The following PCDHGA3 variants were observed in gnomAD, a reference collection of about 807,000 sequenced individuals.
PCDHGA3 encodes the protein protocadherin gamma subfamily A, 3.
In PCDHGA3, 40 loss-of-function variants were observed where a neutral mutation model predicts 58.5. That is an observed-to-expected ratio of 0.68 (90% CI 0.53 to 0.89). The LOEUF (loss-of-function observed/expected upper bound fraction) is 0.89. Among genes scored for constraint, PCDHGA3 ranks in the 40% least tolerant of loss-of-function variants. PCDHGA3 has a pLI of 0.00. For synonymous variants in PCDHGA3, 530 were observed against 525.7 expected, an observed-to-expected ratio of 1.01 and a Z score of -0.11; for missense variants, 1,223 against 1,195.9, an observed-to-expected ratio of 1.02 and a Z score of -0.33.
rs370792537 is a variant in PCDHGA3 at position 141,370,669 on chromosome 5, G to A, written c.2424+24212G>A. ...TTACTTGTGAGCGACCGTATAGACC[G>A]AGAGGAGATTTGTGGCAAGAAGTCG... is the stretch of plus-strand genomic sequence containing the variant. On this transcript the variant is annotated intron_variant, in intron 1 of 3. Coordinates refer to ENST00000253812, the MANE Select transcript of PCDHGA3 (RefSeq NM_018916.4). The A allele has an allele frequency of 5.6e-6, 9 of 1,613,788 alleles. No homozygotes were observed. In the East Asian group the frequency reaches 1.1e-4, roughly 20 times the overall value.
intron 1 of PCDHGA3, chr5:141,375,358 G>A (rs1436482456): frequency 1.2e-6 from 2 of 1,613,810 alleles, no homozygotes; most frequent in Non-Finnish European, 8.5e-7. Context: ...TGACAGCCAC[G>A]GACAAAGGAA....
At chr5:141,371,506 C>G in intron 1 of PCDHGA3, 1 of 1,613,856 alleles carries the variant, frequency 6.2e-7, no homozygotes, top group Non-Finnish European at 8.5e-7. Flanking sequence ...CTGATCAAAA[C>G]ACATGATCTA....
chr5:141,494,712 C>T, intron 1 of PCDHGA3, 95 bp from the exon 2 acceptor site: 1 of 1,603,048 alleles, frequency 6.2e-7, no homozygotes, highest in Non-Finnish European at 8.5e-7. Context: ...TCTGTGCCCA[C>T]TCCCCTCCTT....
At chr5:141,437,104 T>C (rs539232057) in intron 1 of PCDHGA3, among the ~76,000 whole-genome samples, 1 of 152,338 alleles carries the variant, frequency 6.6e-6, no homozygotes, top group African/African-American at 2.4e-5. Flanking sequence ...GGCTTAGCTT[T>C]AGGATTTTTA....
intron 1 of PCDHGA3, chr5:141,352,437 G>C (rs754792200): frequency 6.2e-7 from 1 of 1,614,034 alleles, no homozygotes; most frequent in Non-Finnish European, 8.5e-7. Context: ...TTTCAAACCG[G>C]TCTCTGCTCC....
At chr5:141,383,279 A>G in intron 1 of PCDHGA3, 7 of 1,613,948 alleles carry the variant, frequency 4.3e-6, no homozygotes, top group Non-Finnish European at 5.9e-6. Context: ...ATAGATATTA[A>G]TGACAACGTT....
Position 141,485,581 on chromosome 5 carries a change from G to C in PCDHGA3, c.2425-9226G>C. The C allele has an allele frequency of 6.2e-7, 1 of 1,612,458 alleles. No individual in the cohort carries two copies. The highest frequency in any genetic ancestry group is 8.5e-7 in the Non-Finnish European group (1 of 1,178,652). ...ATCACGCCCCCCGTTTTCCGCGGCA[G>C]CAGCTGGACTTGGAAATTGGGGAGG... On this transcript the variant is annotated intron_variant, in intron 1 of 3. Coordinates refer to ENST00000253812, the MANE Select transcript of PCDHGA3 (RefSeq NM_018916.4). This position sits in a 1 kb window ranked among gnomAD's most constrained non-coding sequence, Gnocchi z 5.7.
chr5:141,361,797 C>T, intron 1 of PCDHGA3: 3 of 1,613,222 alleles, frequency 1.9e-6, no homozygotes, highest in Non-Finnish European at 2.5e-6. Flanking sequence ...TAGTGGGCGA[C>T]CTCAATGACA....
chr5:141,414,193 A>C, intron 1 of PCDHGA3: 1 of 1,610,884 alleles, frequency 6.2e-7, no homozygotes, highest in Admixed American at 1.7e-5. Context: ...AGTGTTGATT[A>C]CAGTAGAAGA....
intron 1 of PCDHGA3, among the ~76,000 whole-genome samples, chr5:141,473,773 T>C (rs1473510505): frequency 6.6e-6 from 1 of 152,254 alleles, no homozygotes; most frequent in Non-Finnish European, 1.5e-5. Context: ...GGATTTGGTA[T>C]TTTAATTCAA....
intron 1 of PCDHGA3, chr5:141,356,501 C>T: frequency 6.2e-7 from 1 of 1,614,014 alleles, no homozygotes; most frequent in Non-Finnish European, 8.5e-7. Context: ...CCACTGTCTA[C>T]AGAAACTCAT....
rs2154581798 is a variant in PCDHGA3, at chr5:141,489,799, G to T, written c.2425-5008G>T. 1 of 1,614,192 alleles carries T rather than the reference G, an allele frequency of 6.2e-7. No homozygotes were observed. The highest frequency in any genetic ancestry group is 2.2e-5 in the East Asian group (1 of 44,884). On this transcript the variant is annotated intron_variant, in intron 1 of 3. Coordinates refer to ENST00000253812, the MANE Select transcript of PCDHGA3 (RefSeq NM_018916.4). The surrounding 1 kb of genome is among the most constrained non-coding windows in gnomAD (Gnocchi z 4.5). Reference sequence around the variant, plus strand: ...CTCTCTGAATGTGAAGACCCTAAAAGATGGGAAGCCATTCCCAGAGCTGGT... The same window carrying T: ...CTCTCTGAATGTGAAGACCCTAAAATATGGGAAGCCATTCCCAGAGCTGGT...
At chr5:141,393,747 T>C (rs1375394315) in intron 1 of PCDHGA3, 1 of 1,613,866 alleles carries the variant, frequency 6.2e-7, no homozygotes, top group Admixed American at 1.7e-5. Flanking sequence ...TTATGAAGAA[T>C]GTTCATTTTA....
rs2099745664 is a variant in PCDHGA3 at position 141,493,015 on chromosome 5, T to A, written c.2425-1792T>A. Among the ~76,000 whole-genome samples, 1 of 152,238 alleles carries A rather than the reference T, an allele frequency of 6.6e-6. No homozygotes were observed. The highest frequency in any genetic ancestry group is 1.5e-5 in the Non-Finnish European group (1 of 68,040). ...ATGGAAAGCTATAGGCTCTGCCAGA[T>A]GCCAGGGTGCCCTTATGTGTGAGGA... On this transcript the variant is annotated intron_variant, in intron 1 of 3. Transcript: ENST00000253812. The surrounding 1 kb of genome is among the most constrained non-coding windows in gnomAD (Gnocchi z 4.3).
Position 141,434,784 on chromosome 5 carries a change from AT to A in PCDHGA3, c.2425-60014del, listed in dbSNP as rs201914459. On this transcript the variant is annotated intron_variant, in intron 1 of 3. Transcript: ENST00000253812. The stretch of plus-strand genomic sequence containing the variant: ...ACTTCACACTTCTAAAAAAAAAAAA[AT>A]TTTTTTTTCTGAGCTTGGAGAAATA... Among the ~76,000 whole-genome samples the A allele has an allele frequency of 3.3e-4, 49 of 150,342 alleles. 1 individual carries two copies. Among genetic ancestry groups the A allele is most frequent in the Middle Eastern group, 3.4e-3 (1 of 290 alleles).
rs1212248484 is a variant in PCDHGA3 at position 141,393,163 on chromosome 5, T to C, written c.2424+46706T>C. ...CTGGTTGAGGATAAAGGAAAACTCT[T>C]TGGGGTAGAAATAGAAATAATTGAT... On this transcript the variant is annotated intron_variant, in intron 1 of 3. Transcript: ENST00000253812. 1.9e-6 allele frequency: 3 copies of C among 1,613,134 alleles called. No homozygotes were observed. In the Admixed American group the frequency reaches 5.0e-5, roughly 27 times the overall value.
intron 1 of PCDHGA3, chr5:141,414,488 C>T (rs755499269): frequency 2.5e-6 from 4 of 1,613,914 alleles, no homozygotes; most frequent in African/African-American, 2.7e-5. Flanking sequence ...CCTCTATCAA[C>T]GGAAGCTCAC....
intron 1 of PCDHGA3, chr5:141,441,867 GCCTGGCTA>G (rs2098280856): frequency 1.2e-5 from 4 of 345,682 alleles, no homozygotes; most frequent in Non-Finnish European, 2.3e-5. Flanking sequence ...ACGCCGCGGA[GCCTGGCTA>G]CCTGGTCACC....
At chr5:141,475,571 G>A (rs1426547386) in intron 1 of PCDHGA3, among the ~76,000 whole-genome samples, 1 of 152,212 alleles carries the variant, frequency 6.6e-6, no homozygotes, top group East Asian at 1.9e-4. Context: ...CTTCCAACAA[G>A]CCAGATTTGT....
Sources: allele counts gnomAD v4.1 joint callset (sites outside exome capture counted in the v4.1 genomes callset), GRCh38; gene constraint gnomAD v4.1.1; non-coding constraint Gnocchi (gnomAD v3.1); transcripts MANE v1.5; gene names NCBI Gene and HGNC (gene_info 2026-07-23, HGNC 2026-07-21).